Variants in CPNE4 observed in about 807,000 individuals in gnomAD.
The protein encoded by CPNE4 is copine-4.
A neutral mutation model predicts 67.9 loss-of-function variants in CPNE4; 25 were observed. The observed-to-expected ratio is 0.37, with a 90% CI of 0.27 to 0.51. The LOEUF is 0.51. Ranked by LOEUF, CPNE4 falls within the 20% of genes least tolerant of loss-of-function variation. The pLI is 0.93. For missense variants in CPNE4, 464 were observed against 690.8 expected (o/e 0.67, Z 3.68); for synonymous variants, 242 against 244.9 (o/e 0.99, Z 0.11).
chr3:131,718,549 ATTTCTT>A (rs1269485698), intron 3 of CPNE4, among the ~76,000 whole-genome samples: 1 of 151,920 alleles, frequency 6.6e-6, no homozygotes, highest in African/African-American at 2.4e-5. Flanking sequence ...AAGAGTCCTT[ATTTCTT>A]TTCTCTGTTG....
chr3:131,813,408 G>A (rs885249), intron 2 of CPNE4, among the ~76,000 whole-genome samples: 13,832 of 149,012 alleles, frequency 0.093, 811 homozygotes, highest in East Asian at 0.17. Context: ...ATATACAAAC[G>A]TATATATGTA....
At chr3:131,907,932 T>A (rs779426862) in intron 1 of CPNE4, among the ~76,000 whole-genome samples, 1 of 152,122 alleles carries the variant, frequency 6.6e-6, no homozygotes, top group African/African-American at 2.4e-5. Context: ...AAAGTGAACA[T>A]TAATAGGGAC....
Position 131,879,399 on chromosome 3 carries a change from C to T in CPNE4, c.180+25865G>A, listed in dbSNP as rs184028979. 6.0e-4 allele frequency among the ~76,000 whole-genome samples: 92 copies of T among 152,240 alleles called. No individual in the cohort carries two copies. In the East Asian group the frequency reaches 0.013, roughly 22 times the overall value. On this transcript the variant is annotated intron_variant, in intron 2 of 15. Coordinates refer to ENST00000429747, the MANE Select transcript of CPNE4 (RefSeq NM_130808.3). Reference sequence around the variant, plus strand: ...CGTAAAAGAAGCCAGCTGATTTATTCGACATTAACATACTCTATCTTCTAT... The same window carrying T: ...CGTAAAAGAAGCCAGCTGATTTATTTGACATTAACATACTCTATCTTCTAT...
intron 1 of CPNE4, among the ~76,000 whole-genome samples, chr3:131,979,515 G>T (rs1241942314): frequency 6.6e-6 from 1 of 152,024 alleles, no homozygotes; most frequent in African/African-American, 2.4e-5. Flanking sequence ...GCTCGCTTTT[G>T]GTGTCCATTT....
In CPNE4 at chr3:131,748,101, T is replaced by C. The variant is rs4854622; in HGVS notation, c.181-24476A>G. On this transcript the variant is annotated intron_variant, in intron 2 of 15. Transcript: ENST00000429747. Reference sequence around the variant, plus strand: ...AAATGCTTTTTTGGCATCAATATGATCATGTGATTTTCTTTTGTAGCCTGT... The same window carrying C: ...AAATGCTTTTTTGGCATCAATATGACCATGTGATTTTCTTTTGTAGCCTGT... 0.01 allele frequency among the ~76,000 whole-genome samples: 1,541 copies of C among 152,146 alleles called. 71 individuals are homozygous for C. The East Asian group carries it at 0.12, about 12-fold the overall frequency.
chr3:131,607,704 T>C (rs1385369124), intron 7 of CPNE4, among the ~76,000 whole-genome samples: 1 of 152,156 alleles, frequency 6.6e-6, no homozygotes, highest in Non-Finnish European at 1.5e-5. Flanking sequence ...ATCAGTACTA[T>C]GGGAGGTTAA....
intron 1 of CPNE4, among the ~76,000 whole-genome samples, chr3:131,927,266 G>C (rs914313739): frequency 6.6e-6 from 1 of 152,036 alleles, no homozygotes. Context: ...TCAAAGTCTT[G>C]TGTGTTTCCA....
chr3:131,778,762 G>T (rs560354716), intron 2 of CPNE4, among the ~76,000 whole-genome samples: 1 of 152,080 alleles, frequency 6.6e-6, no homozygotes, highest in Non-Finnish European at 1.5e-5. Flanking sequence ...GGATAGGCTC[G>T]CAGTTACAGA....
At chr3:131,898,256 A>G (rs1476103603) in intron 2 of CPNE4, among the ~76,000 whole-genome samples, 6 of 152,094 alleles carry the variant, frequency 3.9e-5, no homozygotes, top group African/African-American at 1.4e-4. Flanking sequence ...ATGCCCTCTC[A>G]AACTCTTTCT....
At chr3:132,034,045 A>G (rs892270290) in intron 1 of CPNE4, among the ~76,000 whole-genome samples, 6 of 152,204 alleles carry the variant, frequency 3.9e-5, no homozygotes, top group African/African-American at 4.8e-5. Flanking sequence ...AGAGGCAACT[A>G]AAATATTATT....
intron 7 of CPNE4, among the ~76,000 whole-genome samples, chr3:131,661,393 A>T (rs2080120938): frequency 1.3e-5 from 2 of 152,226 alleles, no homozygotes; most frequent in Non-Finnish European, 2.9e-5. Context: ...AAAAGAAAGA[A>T]TTATTAAAGT....
At chr3:131,638,456 C>T (rs1350701441) in intron 7 of CPNE4, among the ~76,000 whole-genome samples, 2 of 152,076 alleles carry the variant, frequency 1.3e-5, no homozygotes, top group African/African-American at 4.8e-5. Flanking sequence ...AAGGACTAGT[C>T]CAACAGGCAA....
chr3:131,797,116 T>C (rs1159156009), intron 2 of CPNE4, among the ~76,000 whole-genome samples: 1 of 152,184 alleles, frequency 6.6e-6, no homozygotes, highest in East Asian at 1.9e-4. Context: ...GTCTGAATTC[T>C]AGATTGAGAT....
chr3:131,933,213 G>A (rs374358354), intron 1 of CPNE4, among the ~76,000 whole-genome samples: 4 of 152,246 alleles, frequency 2.6e-5, no homozygotes, highest in East Asian at 1.9e-4. Flanking sequence ...GTGAAGAATG[G>A]ATTGGGAAAG....
At chr3:131,953,238 T>TAAAAAAAAAAAAAAA (rs369308316) in intron 1 of CPNE4, among the ~76,000 whole-genome samples, 2 of 75,702 alleles carry the variant, frequency 2.6e-5, no homozygotes, top group Non-Finnish European at 5.7e-5. Flanking sequence ...GAATGATCAA[T>TAAAAAAAAAAAAAAA]TAAAAAAAAA....
intron 2 of CPNE4, among the ~76,000 whole-genome samples, chr3:131,887,739 A>G (rs1224206539): frequency 6.6e-6 from 1 of 152,180 alleles, no homozygotes; most frequent in Non-Finnish European, 1.5e-5. Flanking sequence ...AACTCCCTCA[A>G]TAAGAATTGG....
chr3:131,654,814 C>T lies in CPNE4; in HGVS notation c.681+14861G>A, dbSNP rs534905120. Among the ~76,000 whole-genome samples the T allele has an allele frequency of 9.9e-5, 15 of 152,196 alleles. No individual in the cohort carries two copies. In the South Asian group the frequency reaches 2.3e-3, roughly 23 times the overall value. On this transcript the variant is annotated intron_variant, in intron 7 of 15. Coordinates refer to ENST00000429747, the MANE Select transcript of CPNE4 (RefSeq NM_130808.3). ...TTTCTAGAGACATATTTTTTTATTA[C>T]CACTGAAGGGGGCAGTGCCACTTGC...
chr3:131,898,249 C>T (rs1418083724), intron 2 of CPNE4, among the ~76,000 whole-genome samples: 1 of 152,022 alleles, frequency 6.6e-6, no homozygotes, highest in Non-Finnish European at 1.5e-5. Context: ...ATTGTACATG[C>T]CCTCTCAAAC....
At chr3:131,637,187 G>A (rs113503978) in intron 7 of CPNE4, among the ~76,000 whole-genome samples, 4 of 151,936 alleles carry the variant, frequency 2.6e-5, no homozygotes, top group African/African-American at 9.7e-5. Context: ...CCAAACCAAG[G>A]CAAAATCTCT....
Sources: allele counts gnomAD v4.1 joint callset (sites outside exome capture counted in the v4.1 genomes callset), GRCh38; gene constraint gnomAD v4.1.1; transcripts MANE v1.5; gene names NCBI Gene and HGNC (gene_info 2026-07-23, HGNC 2026-07-21).